Variants in IQCM observed in about 807,000 individuals in gnomAD.
IQCM encodes the protein IQ motif containing M.
In IQCM, 45 loss-of-function variants were observed where a neutral mutation model predicts 57.6. That is an observed-to-expected ratio of 0.78 (90% CI 0.62 to 1.00). IQCM has a LOEUF of 1.00. IQCM is among the 50% of genes least tolerant of loss of function. IQCM has a pLI of 0.00. For missense variants in IQCM, 468 were observed against 511.6 expected (o/e 0.91, Z 0.82); for synonymous variants, 148 against 158.9 (o/e 0.93, Z 0.51).
chr4:149,527,996 T>G (rs933765979), intron 12 of IQCM, among the ~76,000 whole-genome samples: 1 of 151,550 alleles, frequency 6.6e-6, no homozygotes, highest in Non-Finnish European at 1.5e-5. Context: ...TTGTTTTTTT[T>G]TTTTTTTGAG....
chr4:149,570,911 A>T (rs970680238), intron 9 of IQCM, among the ~76,000 whole-genome samples: 3 of 152,030 alleles, frequency 2.0e-5, no homozygotes, highest in Admixed American at 2.0e-4. Context: ...CAACATCACT[A>T]ATCATCAGGG....
At chr4:149,797,737 T>C (rs1321460943) in intron 2 of IQCM, among the ~76,000 whole-genome samples, 2 of 151,964 alleles carry the variant, frequency 1.3e-5, no homozygotes, top group Admixed American at 1.3e-4. Context: ...CAGCAGACTT[T>C]TCAATGGAAA....
At chr4:149,369,965 G>A (rs999750283) in intron 13 of IQCM, among the ~76,000 whole-genome samples, 2 of 152,088 alleles carry the variant, frequency 1.3e-5, no homozygotes, top group African/African-American at 2.4e-5. Context: ...GTGCAATTAC[G>A]GCTCACTGCA....
intron 8 of IQCM, among the ~76,000 whole-genome samples, chr4:149,597,640 C>T (rs1753904964): frequency 6.6e-6 from 1 of 152,162 alleles, no homozygotes; most frequent in Non-Finnish European, 1.5e-5. Flanking sequence ...ATCTGCCTGC[C>T]TCAGCCTCCC....
intron 12 of IQCM, among the ~76,000 whole-genome samples, chr4:149,469,455 A>G (rs549490481): frequency 6.6e-6 from 1 of 152,334 alleles, no homozygotes; most frequent in African/African-American, 2.4e-5. Context: ...ACAAAGCCTC[A>G]AGAAATATGG....
chr4:149,728,025 C>T (rs1766112063), intron 5 of IQCM, among the ~76,000 whole-genome samples: 2 of 152,068 alleles, frequency 1.3e-5, no homozygotes, highest in South Asian at 2.1e-4. Context: ...ACCAGGACTT[C>T]CTCCCTCCCC....
chr4:149,706,866 T>C (rs544409150), intron 5 of IQCM, among the ~76,000 whole-genome samples: 27 of 152,130 alleles, frequency 1.8e-4, no homozygotes, highest in East Asian at 5.8e-4. Context: ...AATGGTTAAA[T>C]TGTGAGTCTA....
At chr4:149,741,005 ATAATT>A (rs1767407190) in intron 3 of IQCM, among the ~76,000 whole-genome samples, 1 of 152,172 alleles carries the variant, frequency 6.6e-6, no homozygotes, top group Non-Finnish European at 1.5e-5. Flanking sequence ...TTCAAATACA[ATAATT>A]TATATTAATT....
chr4:149,437,427 G>A (rs897759424), intron 12 of IQCM, among the ~76,000 whole-genome samples: 10 of 152,184 alleles, frequency 6.6e-5, no homozygotes, highest in Middle Eastern at 3.4e-3. Context: ...GGCCCTCTCA[G>A]TTCGCTAAGA....
At chr4:149,710,535 A>G (rs954947139) in intron 5 of IQCM, among the ~76,000 whole-genome samples, 1 of 152,080 alleles carries the variant, frequency 6.6e-6, no homozygotes, top group Non-Finnish European at 1.5e-5. Context: ...CTCCCATTCA[A>G]GAAAACCATC....
At chr4:149,495,829 T>G (rs755038971) in intron 12 of IQCM, among the ~76,000 whole-genome samples, 3 of 152,174 alleles carry the variant, frequency 2.0e-5, no homozygotes, top group Non-Finnish European at 4.4e-5. Flanking sequence ...TTTGCCTAAG[T>G]CATGATATGC....
At chr4:149,444,311 G>C (rs1315390143) in intron 12 of IQCM, among the ~76,000 whole-genome samples, 1 of 151,818 alleles carries the variant, frequency 6.6e-6, no homozygotes, top group Non-Finnish European at 1.5e-5. Flanking sequence ...CTGATTTCTA[G>C]ATCAAAGTAA....
chr4:149,351,832 T>C lies in IQCM; in HGVS notation c.*119A>G, dbSNP rs1413941702. The C allele has an allele frequency of 1.3e-5, 5 of 395,332 alleles. No individual in the cohort carries two copies. Among genetic ancestry groups the C allele is most frequent in the South Asian group, 2.9e-4 (2 of 7,002 alleles). 24.5% of individuals were successfully genotyped at this position (395,332 alleles called of 1,614,324 possible). On this transcript the variant is annotated 3_prime_UTR_variant, in exon 14 of 14. Coordinates refer to ENST00000636793, the MANE Select transcript of IQCM (RefSeq NM_001363507.2). ...TAGATAAACTTGTCAAAGTTCTTTCTATATTCAAAGATTTTTATCCTTTCT... is the reference window on the plus strand; with the variant it reads ...TAGATAAACTTGTCAAAGTTCTTTCCATATTCAAAGATTTTTATCCTTTCT...
At chr4:149,640,536 T>C (rs889562705) in intron 7 of IQCM, among the ~76,000 whole-genome samples, 4 of 152,206 alleles carry the variant, frequency 2.6e-5, no homozygotes, top group Admixed American at 1.3e-4. Context: ...TTCTCTTCTC[T>C]TAATATTCTT....
intron 13 of IQCM, among the ~76,000 whole-genome samples, chr4:149,358,281 C>T (rs999246930): frequency 4.6e-5 from 7 of 152,184 alleles, no homozygotes; most frequent in Admixed American, 2.0e-4. Context: ...TTCTTGCCCT[C>T]TGCTAGCTTT....
intron 8 of IQCM, among the ~76,000 whole-genome samples, chr4:149,606,953 A>G (rs1181020281): frequency 6.6e-6 from 1 of 152,132 alleles, no homozygotes. Flanking sequence ...TACTGGCCTT[A>G]AAGAAGATAT....
chr4:149,401,983 G>A, intron 13 of IQCM, among the ~76,000 whole-genome samples: 1 of 151,830 alleles, frequency 6.6e-6, no homozygotes, highest in Admixed American at 6.6e-5. Flanking sequence ...ACTTTTTATA[G>A]GGAAATGTTG....
intron 7 of IQCM, among the ~76,000 whole-genome samples, chr4:149,637,173 A>G (rs1001021556): frequency 3.3e-5 from 5 of 151,428 alleles, no homozygotes; most frequent in Non-Finnish European, 7.4e-5. Flanking sequence ...AAAAAAAAAA[A>G]AAAAAGAAAG....
intron 5 of IQCM, among the ~76,000 whole-genome samples, chr4:149,689,699 C>A (rs1762809474): frequency 6.6e-6 from 1 of 151,948 alleles, no homozygotes; most frequent in East Asian, 1.9e-4. Flanking sequence ...GACTAATATC[C>A]AGAATCTGCA....
Sources: allele counts gnomAD v4.1 joint callset (sites outside exome capture counted in the v4.1 genomes callset), GRCh38; gene constraint gnomAD v4.1.1; transcripts MANE v1.5; gene names NCBI Gene and HGNC (gene_info 2026-07-23, HGNC 2026-07-21).